KHDRBS2: variants seen among roughly 807,000 people sequenced by gnomAD.
The protein encoded by KHDRBS2 is KH RNA binding domain containing, signal transduction associated 2, also known as KH domain-containing, RNA-binding, signal transduction-associated protein 2.
In KHDRBS2, 26 loss-of-function variants were observed where a neutral mutation model predicts 44.3. The observed-to-expected ratio is 0.59, with a 90% CI of 0.43 to 0.81. KHDRBS2 has a LOEUF of 0.81. KHDRBS2 is among the 40% of genes least tolerant of loss of function. The pLI, the probability that KHDRBS2 is intolerant of heterozygous loss-of-function variation, is 0.00. For synonymous variants in KHDRBS2, 194 were observed against 151.1 expected (o/e 1.28, Z -2.08); for missense variants, 476 against 433.1 (o/e 1.10, Z -0.88).
At chr6:61,817,081 T>G in intron 6 of KHDRBS2, 2 of 402,468 alleles carry the variant, frequency 5.0e-6, no homozygotes, top group East Asian at 7.3e-5. Flanking sequence ...AAAAAAACTT[T>G]CCACAAAGCA....
At chr6:61,968,097 G>T (rs1770525164) in intron 4 of KHDRBS2, among the ~76,000 whole-genome samples, 1 of 151,550 alleles carries the variant, frequency 6.6e-6, no homozygotes, top group South Asian at 2.1e-4. Flanking sequence ...GAATGTTACT[G>T]TAATTTAAAT....
At position 61,894,840 on chromosome 6, in the gene KHDRBS2, G is replaced by T. The variant is rs1284409133; in HGVS notation, c.612-7C>A. On this transcript the variant is annotated splice_polypyrimidine_tract_variant and splice_region_variant and intron_variant, in intron 5 of 8. Coordinates refer to ENST00000281156, the MANE Select transcript of KHDRBS2 (RefSeq NM_152688.4). ...AATGGCACCCCCACGGCCCCTAAGA[G>T]AAACAAGTCATGTATAGATGAGAAA... 24 of 1,607,824 alleles carry T rather than the reference G, an allele frequency of 1.5e-5. No homozygotes were observed. Among genetic ancestry groups the T allele is most frequent in the Non-Finnish European group, 2.0e-5 (23 of 1,176,702 alleles).
At chr6:61,831,965 G>T (rs763012007) in intron 6 of KHDRBS2, among the ~76,000 whole-genome samples, 1 of 152,142 alleles carries the variant, frequency 6.6e-6, no homozygotes, top group Non-Finnish European at 1.5e-5. Flanking sequence ...ATTTTTCCTG[G>T]TGTGGTGGAT....
chr6:61,926,594 G>A (rs979442653), intron 4 of KHDRBS2, among the ~76,000 whole-genome samples: 7 of 152,078 alleles, frequency 4.6e-5, no homozygotes, highest in Non-Finnish European at 7.4e-5. Flanking sequence ...GCACTCAAGG[G>A]GCTGCAGCAA....
At chr6:61,643,394 A>C in the KHDRBS2 span, among the ~76,000 whole-genome samples, 206 of 152,282 alleles carry the variant, frequency 1.4e-3, 1 homozygote, top group African/African-American at 4.8e-3. Flanking sequence ...CCCTTTGAAA[A>C]CAGGCATAAG....
intron 2 of KHDRBS2, among the ~76,000 whole-genome samples, chr6:62,086,594 C>T (rs543455489): frequency 2.6e-5 from 4 of 152,096 alleles, no homozygotes; most frequent in Admixed American, 6.6e-5. Flanking sequence ...ACAAGGATTC[C>T]CCTTGAACCA....
Position 61,852,392 on chromosome 6 carries a change from C to T in KHDRBS2, c.810+42243G>A, listed in dbSNP as rs544164979. On this transcript the variant is annotated intron_variant, in intron 6 of 8. Transcript: ENST00000281156. ...AATCCTGGCCAACATGGTGAAACCC[C>T]ATCTCTACTAAAAATACAAAAATTA... Among the ~76,000 whole-genome samples, 146 of 151,814 alleles carry T rather than the reference C, an allele frequency of 9.6e-4. 2 individuals carry two copies. The highest frequency in any genetic ancestry group is 3.2e-3 in the African/African-American group (134 of 41,438).
chr6:61,569,641 A>G, the KHDRBS2 span, among the ~76,000 whole-genome samples: 1 of 152,168 alleles, frequency 6.6e-6, no homozygotes, highest in African/African-American at 2.4e-5. Context: ...CACTAAACAT[A>G]TCTACAACCA....
At chr6:61,927,099 A>G (rs1181048592) in intron 4 of KHDRBS2, among the ~76,000 whole-genome samples, 1 of 152,024 alleles carries the variant, frequency 6.6e-6, no homozygotes. Flanking sequence ...TAGGTTACTA[A>G]CTTTGTCAAT....
chr6:61,995,845 T>C (rs191317568), intron 3 of KHDRBS2, among the ~76,000 whole-genome samples: 15 of 152,376 alleles, frequency 9.8e-5, no homozygotes, highest in Admixed American at 8.5e-4. Context: ...CCACCAATTA[T>C]CTATTTGTAA....
At chr6:61,836,845 T>C (rs7776023) in intron 6 of KHDRBS2, among the ~76,000 whole-genome samples, 43,920 of 151,964 alleles carry the variant, frequency 0.29, 6,372 homozygotes, top group East Asian at 0.35. Flanking sequence ...GAGGCCAAAG[T>C]ATTTATACTT....
intron 3 of KHDRBS2, among the ~76,000 whole-genome samples, chr6:62,000,429 T>C (rs2127258274): frequency 6.6e-6 from 1 of 152,300 alleles, no homozygotes; most frequent in East Asian, 1.9e-4. Flanking sequence ...TTACTGTCTC[T>C]CCTAATTGCA....
At chr6:61,996,178 TTATAA>T (rs751935848) in intron 3 of KHDRBS2, among the ~76,000 whole-genome samples, 33 of 152,310 alleles carry the variant, frequency 2.2e-4, no homozygotes, top group Non-Finnish European at 4.1e-4. Context: ...TTTTAATACT[TTATAA>T]AAGGGTATCT....
At chr6:61,715,683 C>G (rs1460352042) in intron 7 of KHDRBS2, among the ~76,000 whole-genome samples, 2 of 151,908 alleles carry the variant, frequency 1.3e-5, no homozygotes, top group South Asian at 2.1e-4. Context: ...TTATCACATG[C>G]TATGTGTTTA....
intron 6 of KHDRBS2, among the ~76,000 whole-genome samples, chr6:61,851,247 G>T (rs140828918): frequency 1.4e-5 from 2 of 144,814 alleles, no homozygotes; most frequent in African/African-American, 5.1e-5. Flanking sequence ...GTATATACGT[G>T]TGTGTATATA....
At chr6:61,979,349 A>C (rs1419792784) in intron 3 of KHDRBS2, among the ~76,000 whole-genome samples, 1 of 152,158 alleles carries the variant, frequency 6.6e-6, no homozygotes, top group African/African-American at 2.4e-5. Context: ...ACTTCACTAA[A>C]TTTCAAAAAA....
intron 4 of KHDRBS2, among the ~76,000 whole-genome samples, chr6:61,935,215 C>T (rs1810810275): frequency 6.6e-6 from 1 of 152,048 alleles, no homozygotes; most frequent in African/African-American, 2.4e-5. Flanking sequence ...GTAAATGTTC[C>T]CTAAGAGATA....
At chr6:61,929,408 T>G (rs934030940) in intron 4 of KHDRBS2, among the ~76,000 whole-genome samples, 2 of 152,170 alleles carry the variant, frequency 1.3e-5, no homozygotes, top group African/African-American at 4.8e-5. Flanking sequence ...CAATTTGGCT[T>G]AAGGAATATT....
At chr6:61,621,020 T>G in the KHDRBS2 span, among the ~76,000 whole-genome samples, 2 of 152,338 alleles carry the variant, frequency 1.3e-5, no homozygotes, top group Non-Finnish European at 2.9e-5. Flanking sequence ...CCTTGGAATC[T>G]GCTTCTCATA....
Sources: gnomAD v4.1 joint callset for allele counts (sites outside exome capture counted in the v4.1 genomes callset) on GRCh38, gnomAD v4.1.1 for gene constraint, MANE v1.5 for transcripts, NCBI Gene and HGNC (gene_info 2026-07-23, HGNC 2026-07-21) for gene names.